NELL1: variants seen among roughly 807,000 people sequenced by gnomAD.
The protein encoded by NELL1 is neural EGFL like 1.
Under a neutral mutation model 107.4 loss-of-function variants are expected in NELL1, and 76 were observed. That is an observed-to-expected ratio of 0.71 (90% CI 0.59 to 0.86). The LOEUF (loss-of-function observed/expected upper bound fraction) is 0.86, where lower values mean the gene tolerates loss of function less well. Among genes scored for constraint, NELL1 ranks in the 40% least tolerant of loss-of-function variants. NELL1 has a pLI of 0.00. For synonymous variants in NELL1, 353 were observed against 341.2 expected, an observed-to-expected ratio of 1.03 and a Z score of -0.38; for missense variants, 1,024 against 1,005.5, an observed-to-expected ratio of 1.02 and a Z score of -0.25.
chr11:20,695,313 A>G (rs930737891), intron 2 of NELL1, among the ~76,000 whole-genome samples: 4 of 152,084 alleles, frequency 2.6e-5, no homozygotes, highest in Non-Finnish European at 5.9e-5. Flanking sequence ...TGGTCTGACT[A>G]GCACTTCCAG....
chr11:20,789,426 G>A (rs76352461), intron 3 of NELL1, among the ~76,000 whole-genome samples: 1,636 of 152,310 alleles, frequency 0.011, 35 homozygotes, highest in African/African-American at 0.037. Flanking sequence ...CGGGGAACAC[G>A]GTGGCACCTG....
chr11:21,404,611 G>T (rs768719520), intron 15 of NELL1, among the ~76,000 whole-genome samples: 1 of 151,946 alleles, frequency 6.6e-6, no homozygotes, highest in African/African-American at 2.4e-5. Context: ...TTACTGTGAT[G>T]CTAGGCACTG....
At chr11:20,937,366 T>C (rs1358870544) in intron 9 of NELL1, among the ~76,000 whole-genome samples, 2 of 152,234 alleles carry the variant, frequency 1.3e-5, no homozygotes, top group East Asian at 1.9e-4. Context: ...TCCTTCTCCA[T>C]TGTGGCTGAG....
At chr11:20,955,657 G>T (rs1851155682) in intron 11 of NELL1, among the ~76,000 whole-genome samples, 1 of 152,030 alleles carries the variant, frequency 6.6e-6, no homozygotes. Flanking sequence ...ACATGGATTA[G>T]CCCATTTAAG....
At chr11:21,340,441 C>T (rs34374171) in intron 14 of NELL1, among the ~76,000 whole-genome samples, 20,771 of 152,156 alleles carry the variant, frequency 0.14, 1,716 homozygotes, top group Non-Finnish European at 0.19. Context: ...CGTGAGCCAC[C>T]GCGCCCAGCC....
At chr11:21,044,719 G>A (rs1166608928) in intron 12 of NELL1, among the ~76,000 whole-genome samples, 1 of 152,256 alleles carries the variant, frequency 6.6e-6, no homozygotes, top group African/African-American at 2.4e-5. Context: ...AGTAAAAGAT[G>A]GATGCAGGTA....
intron 5 of NELL1, among the ~76,000 whole-genome samples, chr11:20,913,180 T>C (rs1850170161): frequency 6.6e-6 from 1 of 152,148 alleles, no homozygotes; most frequent in Non-Finnish European, 1.5e-5. Flanking sequence ...CCCTGCCAGT[T>C]TATAAACAGA....
intron 15 of NELL1, among the ~76,000 whole-genome samples, chr11:21,443,043 A>G (rs955467664): frequency 2.0e-5 from 3 of 150,654 alleles, no homozygotes; most frequent in African/African-American, 7.3e-5. Flanking sequence ...TAATTTACAA[A>G]AAAAGGACAT....
intron 12 of NELL1, among the ~76,000 whole-genome samples, chr11:21,030,520 C>T (rs1171086751): frequency 2.0e-5 from 3 of 152,004 alleles, no homozygotes; most frequent in Non-Finnish European, 4.4e-5. Flanking sequence ...TTGATTAGGA[C>T]CCAGTGACAA....
chr11:21,209,334 TA>T (rs1323802236), intron 13 of NELL1, among the ~76,000 whole-genome samples: 4 of 9,620 alleles, frequency 4.2e-4, no homozygotes, highest in East Asian at 0.083. Flanking sequence ...GTATATATTA[TA>T]TATATATATA....
At chr11:20,826,287 G>A (rs1190070353) in intron 3 of NELL1, among the ~76,000 whole-genome samples, 5 of 151,112 alleles carry the variant, frequency 3.3e-5, no homozygotes, top group Non-Finnish European at 5.9e-5. Flanking sequence ...ATGGCCCTCT[G>A]CCTGTAGTCC....
chr11:21,545,910 GGGTAA>G (rs1856430260), intron 16 of NELL1, among the ~76,000 whole-genome samples: 1 of 151,922 alleles, frequency 6.6e-6, no homozygotes, highest in Non-Finnish European at 1.5e-5. Context: ...GCAGCTCTGT[GGGTAA>G]GGGCCTAGTG....
chr11:21,474,105 A>T (rs1285948538), intron 15 of NELL1, among the ~76,000 whole-genome samples: 1 of 152,048 alleles, frequency 6.6e-6, no homozygotes, highest in African/African-American at 2.4e-5. Context: ...ATTCTGCATA[A>T]TCTGACCTCT....
chr11:21,164,786 A>G (rs1856445801), intron 13 of NELL1, among the ~76,000 whole-genome samples: 1 of 152,198 alleles, frequency 6.6e-6, no homozygotes, highest in Non-Finnish European at 1.5e-5. Context: ...CATTTTAAAG[A>G]CTTTGACTCT....
At chr11:21,102,928 G>T (rs1220178920) in intron 12 of NELL1, among the ~76,000 whole-genome samples, 1 of 152,172 alleles carries the variant, frequency 6.6e-6, no homozygotes, top group Non-Finnish European at 1.5e-5. Flanking sequence ...TAAGGTCATA[G>T]ATATAGTCAC....
chr11:20,762,661 G>A (rs890197091), intron 2 of NELL1, among the ~76,000 whole-genome samples: 3 of 152,192 alleles, frequency 2.0e-5, no homozygotes, highest in African/African-American at 4.8e-5. Context: ...GAATAAGAGC[G>A]TAATTAAGGA....
chr11:21,508,135 G>A lies in NELL1; in HGVS notation c.1646-26239G>A, dbSNP rs116976726. Among the ~76,000 whole-genome samples, 215 of 152,142 alleles carry A rather than the reference G, an allele frequency of 1.4e-3. 1 individual carries two copies. Among genetic ancestry groups the A allele is most frequent in the Middle Eastern group, 3.4e-3 (1 of 294 alleles). ...TTATAATATAAACAAAATCCTGGTA[G>A]CACTAATAGGAGAAAGAGACAAGGC... On this transcript the variant is annotated intron_variant, in intron 15 of 19. Coordinates refer to ENST00000357134, the MANE Select transcript of NELL1 (RefSeq NM_006157.5).
chr11:21,146,861 T>C lies in NELL1; in HGVS notation c.1426+33147T>C, dbSNP rs552834178. 3.4e-4 allele frequency among the ~76,000 whole-genome samples: 52 copies of C among 152,180 alleles called. 1 individual carries two copies. Among genetic ancestry groups the C allele is most frequent in the Admixed American group, 2.3e-3 (35 of 15,296 alleles). On this transcript the variant is annotated intron_variant, in intron 13 of 19. Transcript: ENST00000357134. ...GAGTTCGAGACCAGCCTGACCAATATAGTGAAACCCTGTCTCTGCTAAAAA... is the reference window on the plus strand; with the variant it reads ...GAGTTCGAGACCAGCCTGACCAATACAGTGAAACCCTGTCTCTGCTAAAAA...
At chr11:21,368,078 T>G (rs1211324139) in intron 14 of NELL1, among the ~76,000 whole-genome samples, 1 of 152,176 alleles carries the variant, frequency 6.6e-6, no homozygotes, top group Admixed American at 6.6e-5. Context: ...AAAGAAAGCT[T>G]GAATTGATCT....
Sources: gnomAD v4.1 joint callset for allele counts (sites outside exome capture counted in the v4.1 genomes callset) on GRCh38, gnomAD v4.1.1 for gene constraint, MANE v1.5 for transcripts, NCBI Gene and HGNC (gene_info 2026-07-23, HGNC 2026-07-21) for gene names.